SRCIN1: variants seen among roughly 807,000 people sequenced by gnomAD.
SRCIN1 encodes the protein SRC kinase signaling inhibitor 1.
SRCIN1 carries 50 observed loss-of-function variants against 116.2 expected under a neutral mutation model. That is an observed-to-expected ratio of 0.43 (90% CI 0.34 to 0.54). The LOEUF (loss-of-function observed/expected upper bound fraction) is 0.54, where lower values mean the gene tolerates loss of function less well. Ranked by LOEUF, SRCIN1 falls within the 20% of genes least tolerant of loss-of-function variation. The pLI, the probability that SRCIN1 is intolerant of heterozygous loss-of-function variation, is 0.02. For missense variants in SRCIN1, 1,446 were observed against 1,672.0 expected (o/e 0.86, Z 2.36); for synonymous variants, 736 against 750.0 (o/e 0.98, Z 0.30).
intron 1 of SRCIN1, among the ~76,000 whole-genome samples, chr17:38,584,158 G>A (rs1408693631): frequency 6.6e-6 from 1 of 152,182 alleles, no homozygotes; most frequent in Non-Finnish European, 1.5e-5. Flanking sequence ...GGGGCATTGC[G>A]ATAGAGAGAG....
rs770773898 is a variant in SRCIN1, at chr17:38,551,959, G to T, written c.2654C>A (p.Pro885His). ...SGPAEGASLT[P>H]KGGNPTKGLD... is the part of the protein sequence containing the mutation. ...GCCTTTGGTGGGGTTGCCCCCCTTGGGGGTAAGAGAGGCTCCTTCAGCTGG... is the reference window on the plus strand; with the variant it reads ...GCCTTTGGTGGGGTTGCCCCCCTTGTGGGTAAGAGAGGCTCCTTCAGCTGG... The change falls in exon 14 of 19, where the codon CCC becomes CAC. Residue 885 changes from proline to histidine, a missense_variant. By Grantham distance (77) the Pro-to-His change is moderately conservative. Around this residue, in one of 5 missense-constraint regions of SRCIN1, gnomAD observed 531 missense variants for 633.9 expected, o/e 0.84. Transcript: ENST00000617146. 2 of 1,614,062 alleles carry T rather than the reference G, an allele frequency of 1.2e-6. No individual in the cohort carries two copies. The highest frequency in any genetic ancestry group is 1.7e-6 in the Non-Finnish European group (2 of 1,179,904).
At chr17:38,543,779 G>T (rs763858644) in intron 18 of SRCIN1, 44 bp downstream of exon 18, 2 of 1,589,186 alleles carry the variant, frequency 1.3e-6, no homozygotes, top group Non-Finnish European at 1.7e-6. Flanking sequence ...GGCCCGGCAT[G>T]CAGCAGAGTG....
In SRCIN1 at chr17:38,562,201, T is replaced by G. The variant is rs1906312424; in HGVS notation, c.962A>C (p.Gln321Pro). ...GCGCGAACGCGACGGCGAACCGGAC[T>G]GCAGCCCGGACGGCAGCCCCGACGG... is the stretch of plus-strand genomic sequence containing the variant. ...GLPSGLPSGLQSGSPSRSRLS... is the reference protein window; with the variant it reads ...GLPSGLPSGLPSGSPSRSRLS... The change falls in exon 7 of 19, where the codon CAG becomes CCG. Residue 321 changes from glutamine (Q) to proline (P), a missense_variant. Gln to Pro is a moderately conservative substitution (Grantham distance 76). Around this residue, in one of 5 missense-constraint regions of SRCIN1, gnomAD observed 239 missense variants for 317.7 expected, o/e 0.75. Transcript: ENST00000617146. This position sits in a 1 kb window ranked among gnomAD's most constrained non-coding sequence, Gnocchi z 4.2. 1 of 1,421,654 alleles carries G rather than the reference T, an allele frequency of 7.0e-7. No individual in the cohort carries two copies. Among genetic ancestry groups the G allele is most frequent in the East Asian group, 3.0e-5 (1 of 33,104 alleles). 88.1% of individuals were successfully genotyped at this position (1,421,654 alleles called of 1,614,324 possible). A position where few individuals can be genotyped will look rare whatever the true frequency, so the allele number is the denominator to read the frequency against.
At chr17:38,588,380 C>T (rs556245455) in intron 1 of SRCIN1, among the ~76,000 whole-genome samples, 124 of 152,368 alleles carry the variant, frequency 8.1e-4, no homozygotes, top group African/African-American at 2.7e-3. Flanking sequence ...TGTGCCCACG[C>T]GGCACTATGT....
chr17:38,552,909 C>G lies in SRCIN1; in HGVS notation c.2202-54G>C. On this transcript the variant is annotated intron_variant, in intron 11 of 18. Coordinates refer to ENST00000617146, the MANE Select transcript of SRCIN1 (RefSeq NM_025248.3). The surrounding 1 kb of genome is among the most constrained non-coding windows in gnomAD (Gnocchi z 5.3). Reference sequence around the variant, plus strand: ...CTTTTGGCCTGAGATGCCAGCCCAGCCCCCTGAAATTGGGCAACTGGAAAG... The same window carrying G: ...CTTTTGGCCTGAGATGCCAGCCCAGGCCCCTGAAATTGGGCAACTGGAAAG... 1 of 1,566,932 alleles carries G rather than the reference C, an allele frequency of 6.4e-7. No homozygotes were observed. The highest frequency in any genetic ancestry group is 8.6e-7 in the Non-Finnish European group (1 of 1,156,720).
At chr17:38,564,961 T>A (rs1382264492) in intron 3 of SRCIN1, among the ~76,000 whole-genome samples, 1 of 152,210 alleles carries the variant, frequency 6.6e-6, no homozygotes, top group Admixed American at 6.5e-5. Context: ...AACACACATG[T>A]TAAGTCTGAT....
At chr17:38,606,233 G>A (rs1317221815), upstream of SRCIN1, among the ~76,000 whole-genome samples, 4 of 151,818 alleles carry the variant, frequency 2.6e-5, no homozygotes, top group African/African-American at 9.7e-5. The surrounding 1 kb of genome is among the most constrained non-coding windows in gnomAD (Gnocchi z 5.2). Flanking sequence ...TACATTGACC[G>A]AGGACCGGCT....
At position 38,552,357 on chromosome 17, in the gene SRCIN1, G is replaced by A. The variant is rs1905481160; in HGVS notation, c.2480+90C>T. ...TCCAGTCGGCACGCCAGTGACCTTT[G>A]GGGGAGTTGGGGTAAGGGTTCAGTA... is the stretch of plus-strand genomic sequence containing the variant. On this transcript the variant is annotated intron_variant, in intron 13 of 18. Coordinates refer to ENST00000617146, the MANE Select transcript of SRCIN1 (RefSeq NM_025248.3). This position sits in a 1 kb window ranked among gnomAD's most constrained non-coding sequence, Gnocchi z 5.3. 1 of 1,490,534 alleles carries A rather than the reference G, an allele frequency of 6.7e-7. No homozygotes were observed. The highest frequency in any genetic ancestry group is 1.4e-5 in the African/African-American group (1 of 70,656). The allele number at this position is 1,490,534 out of a possible 1,614,324, so 92.3% of individuals were successfully genotyped here.
upstream of SRCIN1, among the ~76,000 whole-genome samples, chr17:38,607,022 G>C (rs1461009959): frequency 6.6e-6 from 1 of 152,160 alleles, no homozygotes; most frequent in East Asian, 1.9e-4. Context: ...CCATCAGGCA[G>C]AGTGGCAGGC....
At chr17:38,570,632 C>T (rs1597913683) in intron 2 of SRCIN1, among the ~76,000 whole-genome samples, 2 of 152,348 alleles carry the variant, frequency 1.3e-5, no homozygotes, top group South Asian at 2.1e-4. Context: ...GTACCTTGTT[C>T]GGATGACTGA....
chr17:38,548,532 G>T, intron 17 of SRCIN1, 25 bp downstream of exon 17: 1 of 1,606,494 alleles, frequency 6.2e-7, no homozygotes. Context: ...CTGAGACCTT[G>T]GGGGCCAGGT....
intron 3 of SRCIN1, 47 bp from the exon 4 acceptor site, chr17:38,564,360 C>A (rs774795860): frequency 6.9e-6 from 9 of 1,303,472 alleles, no homozygotes; most frequent in South Asian, 6.0e-5. Flanking sequence ...GAGCACCCCC[C>A]CTCCCCTTTG....
Position 38,533,388 on chromosome 17 carries a change from G to A in SRCIN1, c.3461C>T (p.Ser1154Leu), listed in dbSNP as rs569469728. ...CGAGGGCTTTTCTGAGACTGGGCTC[G>A]AGGTCTCATTCGACCCGCTCATCTC... is the stretch of plus-strand genomic sequence containing the variant. ...SKEMSGSNET[S>L]SPVSEKPSAS... Residue 1154 changes from serine (S) to leucine (L), a missense_variant, in exon 19 of 19, where the codon TCG becomes TTG. Physicochemically the swap from Ser to Leu is moderately radical, Grantham distance 145. Coordinates refer to ENST00000617146, the MANE Select transcript of SRCIN1 (RefSeq NM_025248.3). The A allele has an allele frequency of 2.5e-6, 4 of 1,612,370 alleles. No individual in the cohort carries two copies. Among genetic ancestry groups the A allele is most frequent in the East Asian group, 4.5e-5 (2 of 44,798 alleles).
chr17:38,533,825 C>T (rs548879513), intron 18 of SRCIN1, among the ~76,000 whole-genome samples: 78 of 130,562 alleles, frequency 6.0e-4, no homozygotes, highest in South Asian at 3.2e-3. Context: ...ACAAGCCCTG[C>T]GGGGGACGGG....
chr17:38,602,902 C>G lies in SRCIN1; in HGVS notation c.22+2782G>C, dbSNP rs1187957310. Among the ~76,000 whole-genome samples the G allele has an allele frequency of 6.6e-6, 1 of 152,164 alleles. No individual in the cohort carries two copies. Among genetic ancestry groups the G allele is most frequent in the African/African-American group, 2.4e-5 (1 of 41,442 alleles). On this transcript the variant is annotated intron_variant, in intron 1 of 18. Transcript: ENST00000617146. This position sits in a 1 kb window ranked among gnomAD's most constrained non-coding sequence, Gnocchi z 4.2. ...ACTCAGCTCCCTCAGTTCAAATCCT[C>G]AACACTGTCTCCCTTCTTTCCCCAA...
At chr17:38,591,873 C>T (rs1908461036) in intron 1 of SRCIN1, among the ~76,000 whole-genome samples, 1 of 152,252 alleles carries the variant, frequency 6.6e-6, no homozygotes, top group African/African-American at 2.4e-5. Flanking sequence ...CAGCTCCAGA[C>T]ACCAAAGGGT....
At chr17:38,579,541 AAGC>A (rs1907655716) in intron 1 of SRCIN1, among the ~76,000 whole-genome samples, 3 of 152,168 alleles carry the variant, frequency 2.0e-5, no homozygotes, top group African/African-American at 7.2e-5. Context: ...AAGGGAAAGA[AAGC>A]AGACAGAACA....
intron 11 of SRCIN1, among the ~76,000 whole-genome samples, chr17:38,554,659 C>T (rs573788354): frequency 4.8e-4 from 73 of 152,284 alleles, no homozygotes; most frequent in African/African-American, 1.7e-3. Flanking sequence ...AGATTCATCT[C>T]CGGTTTCTAG....
intron 7 of SRCIN1, 55 bp from the exon 8 acceptor site, chr17:38,560,480 C>T: frequency 7.0e-7 from 1 of 1,418,670 alleles, no homozygotes; most frequent in South Asian, 1.2e-5. Flanking sequence ...GTCTCTCCTG[C>T]CCAGCCCCCC....
Sources: gnomAD v4.1 joint callset for allele counts (sites outside exome capture counted in the v4.1 genomes callset) on GRCh38, gnomAD v4.1.1 for gene constraint, gnomAD v4.1.1 regional missense constraint, Gnocchi (gnomAD v3.1) non-coding constraint, MANE v1.5 for transcripts, NCBI Gene and HGNC (gene_info 2026-07-23, HGNC 2026-07-21) for gene names.